Variants in MYO5B observed in about 807,000 individuals in gnomAD.
MYO5B encodes myosin VB.
MYO5B carries 143 observed loss-of-function variants against 229.3 expected under a neutral mutation model. The ratio of observed to expected loss-of-function variants is 0.62; its 90% CI spans 0.54 to 0.72. The LOEUF (loss-of-function observed/expected upper bound fraction) is 0.72. Among genes scored for constraint, MYO5B ranks in the 30% least tolerant of loss-of-function variants. MYO5B has a pLI of 0.00. For missense variants in MYO5B, 2,321 were observed against 2,331.0 expected (o/e 1.00, Z 0.09); for synonymous variants, 918 against 885.2 (o/e 1.04, Z -0.66).
intron 1 of MYO5B, among the ~76,000 whole-genome samples, chr18:50,183,455 G>C (rs901864569): frequency 6.8e-6 from 1 of 147,358 alleles, no homozygotes; most frequent in Non-Finnish European, 1.5e-5. Context: ...GACTAAACAA[G>C]AAGATGAGGA....
intron 10 of MYO5B, among the ~76,000 whole-genome samples, chr18:49,972,730 G>T (rs1256991453): frequency 1.3e-5 from 2 of 152,150 alleles, no homozygotes; most frequent in Admixed American, 1.3e-4. Flanking sequence ...GAGACTGGAA[G>T]TTCCCAGAGA....
intron 1 of MYO5B, among the ~76,000 whole-genome samples, chr18:50,177,478 T>C (rs1418157140): frequency 6.6e-6 from 1 of 152,222 alleles, no homozygotes; most frequent in African/African-American, 2.4e-5. Flanking sequence ...CTCTTTGATG[T>C]CAATAATGTT....
intron 1 of MYO5B, among the ~76,000 whole-genome samples, chr18:50,071,557 T>G (rs2030959082): frequency 1.3e-5 from 2 of 152,172 alleles, no homozygotes; most frequent in African/African-American, 4.8e-5. Flanking sequence ...AAATAACTCA[T>G]CAGCACAGGG....
intron 10 of MYO5B, among the ~76,000 whole-genome samples, chr18:49,963,992 GC>G (rs1278917068): frequency 3.3e-5 from 5 of 152,110 alleles, no homozygotes; most frequent in Admixed American, 1.3e-4. Flanking sequence ...GCTGGCAGTG[GC>G]CCCCACAGAG....
At chr18:49,907,214 T>C (rs1204337515) in intron 18 of MYO5B, among the ~76,000 whole-genome samples, 1 of 152,100 alleles carries the variant, frequency 6.6e-6, no homozygotes, top group Non-Finnish European at 1.5e-5. Flanking sequence ...GCCTCGTAGG[T>C]TGCAGCATAA....
chr18:50,079,518 C>G (rs115375172), intron 1 of MYO5B, among the ~76,000 whole-genome samples: 2,000 of 152,270 alleles, frequency 0.013, 35 homozygotes, highest in African/African-American at 0.045. Flanking sequence ...AATTCTCCCC[C>G]CTTGAGGCAG....
intron 5 of MYO5B, among the ~76,000 whole-genome samples, chr18:49,998,675 T>C (rs1411323982): frequency 6.6e-6 from 1 of 152,200 alleles, no homozygotes; most frequent in African/African-American, 2.4e-5. Context: ...TGAAATACTG[T>C]TCAATCATGA....
In MYO5B at chr18:50,195,143, CCT is replaced by C. The variant is rs1478868659; in HGVS notation, c.-352_-351del. ...AGCGGACGGCCCGTGCGCCGCCGCG[CCT>C]CTGAGCCCTGCCGGTGCCCGGCCCG... On this transcript the variant is annotated 5_prime_UTR_variant, in exon 1 of 40. Coordinates refer to ENST00000285039, the MANE Select transcript of MYO5B (RefSeq NM_001080467.3). The C allele has an allele frequency of 5.4e-6, 1 of 184,990 alleles. No individual in the cohort carries two copies. The highest frequency in any genetic ancestry group is 1.3e-4 in the East Asian group (1 of 7,884). The allele number at this position is 184,990 out of a possible 1,614,324, so 11.5% of individuals were successfully genotyped here.
chr18:49,901,145 C>A (rs947070044), intron 21 of MYO5B, among the ~76,000 whole-genome samples: 42 of 152,220 alleles, frequency 2.8e-4, no homozygotes, highest in African/African-American at 9.4e-4. Context: ...TGCTGTTCAG[C>A]CTGTTGGCAT....
intron 1 of MYO5B, among the ~76,000 whole-genome samples, chr18:50,132,059 T>A (rs928144437): frequency 8.5e-5 from 13 of 152,254 alleles, no homozygotes; most frequent in African/African-American, 3.1e-4. Flanking sequence ...CACAGTGGGC[T>A]TAGCAAAATA....
intron 4 of MYO5B, among the ~76,000 whole-genome samples, chr18:50,029,709 A>T (rs562393508): frequency 4.9e-4 from 75 of 152,300 alleles, no homozygotes; most frequent in African/African-American, 1.8e-3. Context: ...CACTGGATCC[A>T]AGTTCCTCTC....
At chr18:50,184,033 T>C (rs906243804) in intron 1 of MYO5B, among the ~76,000 whole-genome samples, 4 of 152,214 alleles carry the variant, frequency 2.6e-5, no homozygotes, top group Admixed American at 2.0e-4. Context: ...TACAGAACTG[T>C]GAGCTAAATA....
intron 2 of MYO5B, among the ~76,000 whole-genome samples, chr18:50,047,484 T>C (rs1297566610): frequency 6.6e-6 from 1 of 152,166 alleles, no homozygotes; most frequent in Non-Finnish European, 1.5e-5. Flanking sequence ...ACTTTTACAC[T>C]GTTGGTGGTA....
intron 4 of MYO5B, among the ~76,000 whole-genome samples, chr18:50,019,096 C>CCTG (rs1327669081): frequency 6.6e-6 from 1 of 152,186 alleles, no homozygotes; most frequent in Non-Finnish European, 1.5e-5. Context: ...AAATCTCACA[C>CCTG]AGCACAGTCA....
At chr18:50,051,457 G>GTTT (rs1277157118) in intron 2 of MYO5B, among the ~76,000 whole-genome samples, 1 of 152,178 alleles carries the variant, frequency 6.6e-6, no homozygotes, top group Non-Finnish European at 1.5e-5. Context: ...AACAAGGAGA[G>GTTT]TTTTCCCTGA....
At chr18:50,012,607 G>A (rs1158056658) in intron 4 of MYO5B, among the ~76,000 whole-genome samples, 1 of 152,200 alleles carries the variant, frequency 6.6e-6, no homozygotes, top group East Asian at 1.9e-4. Context: ...TGCAAATCCT[G>A]TTTATCGCCC....
Position 50,024,991 on chromosome 18 carries a change from G to C in MYO5B, c.455+11859C>G, listed in dbSNP as rs551330957. 2.0e-5 allele frequency among the ~76,000 whole-genome samples: 3 copies of C among 152,230 alleles called. No individual in the cohort carries two copies. In the East Asian group the frequency reaches 5.8e-4, roughly 29 times the overall value. On this transcript the variant is annotated intron_variant, in intron 4 of 39. Coordinates refer to ENST00000285039, the MANE Select transcript of MYO5B (RefSeq NM_001080467.3). ...GAGTGGGAAAATGAAAATAAACCAA[G>C]CTTGCAGCACATTCAGTGTTCATGA...
At chr18:49,875,249 G>GAA (rs1405327807) in intron 26 of MYO5B, among the ~76,000 whole-genome samples, 1 of 152,160 alleles carries the variant, frequency 6.6e-6, no homozygotes, top group Non-Finnish European at 1.5e-5. Flanking sequence ...CATGAGAGAG[G>GAA]AAAGTGAGTG....
At chr18:49,878,003 T>C (rs1333328168) in intron 24 of MYO5B, 121 bp from the exon 25 acceptor site, 6 of 1,226,054 alleles carry the variant, frequency 4.9e-6, no homozygotes, top group Admixed American at 3.4e-5. Context: ...ATAGGTATCA[T>C]TGCTTCTTGG....
Sources: allele counts gnomAD v4.1 joint callset (sites outside exome capture counted in the v4.1 genomes callset), GRCh38; gene constraint gnomAD v4.1.1; transcripts MANE v1.5; gene names NCBI Gene and HGNC (gene_info 2026-07-23, HGNC 2026-07-21).